The following TLN2 variants were observed in gnomAD, a reference collection of about 807,000 sequenced individuals.
TLN2 encodes the protein talin 2.
Under a neutral mutation model 294.7 loss-of-function variants are expected in TLN2, and 118 were observed. That is an observed-to-expected ratio of 0.40 (90% CI 0.34 to 0.47). The LOEUF is 0.47. Among genes scored for constraint, TLN2 ranks in the 20% least tolerant of loss-of-function variants. The pLI, the probability that TLN2 is intolerant of heterozygous loss-of-function variation, is 0.84. For synonymous variants in TLN2, 1,431 were observed against 1,304.5 expected, an observed-to-expected ratio of 1.10 and a Z score of -2.09; for missense variants, 3,083 against 3,282.2, an observed-to-expected ratio of 0.94 and a Z score of 1.48.
intron 58 of TLN2, among the ~76,000 whole-genome samples, chr15:62,839,430 A>G (rs1468036482): frequency 6.6e-6 from 1 of 152,268 alleles, no homozygotes; most frequent in East Asian, 1.9e-4. Context: ...AATGGAGGAC[A>G]GCAACATTAT....
At chr15:62,716,251 A>T in intron 22 of TLN2, 80 bp from the exon 23 acceptor site, 1 of 1,357,842 alleles carries the variant, frequency 7.4e-7, no homozygotes, top group Non-Finnish European at 9.5e-7. Flanking sequence ...TTCTATTACT[A>T]AGAAAAAATA....
chr15:62,450,079 T>A (rs2036016347), intron 1 of TLN2, among the ~76,000 whole-genome samples: 1 of 152,162 alleles, frequency 6.6e-6, no homozygotes, highest in Admixed American at 6.5e-5. Context: ...CCTAATGTTT[T>A]CTGCCGTCTC....
chr15:62,453,007 T>C (rs1447622472), intron 1 of TLN2, among the ~76,000 whole-genome samples: 1 of 152,234 alleles, frequency 6.6e-6, no homozygotes, highest in African/African-American at 2.4e-5. Context: ...ATAAACAGTC[T>C]ATCATTTATA....
intron 3 of TLN2, among the ~76,000 whole-genome samples, chr15:62,624,731 G>C (rs1270548842): frequency 6.6e-6 from 1 of 152,208 alleles, no homozygotes. Flanking sequence ...GGGGGTGTCT[G>C]CATGTGTGTA....
At chr15:62,594,408 A>C (rs989781871) in intron 2 of TLN2, among the ~76,000 whole-genome samples, 1 of 152,034 alleles carries the variant, frequency 6.6e-6, no homozygotes, top group Non-Finnish European at 1.5e-5. Flanking sequence ...GGGTCTCCCT[A>C]TGTTGCCCAG....
chr15:62,584,536 C>T (rs545118362), intron 1 of TLN2, among the ~76,000 whole-genome samples: 1 of 152,348 alleles, frequency 6.6e-6, no homozygotes, highest in South Asian at 2.1e-4. Flanking sequence ...AACCCCCAGC[C>T]TCTAGCTGGA....
intron 58 of TLN2, 83 bp downstream of exon 58, chr15:62,839,064 G>A: frequency 1.3e-6 from 2 of 1,528,056 alleles, no homozygotes; most frequent in Non-Finnish European, 1.8e-6. Flanking sequence ...GTGACTTCAA[G>A]ATGAAAGTTT....
chr15:62,621,346 A>G (rs1246622444), intron 3 of TLN2, among the ~76,000 whole-genome samples: 1 of 152,230 alleles, frequency 6.6e-6, no homozygotes, highest in Admixed American at 6.5e-5. Context: ...GGGGCACAAT[A>G]TGCTAGTTCA....
intron 45 of TLN2, among the ~76,000 whole-genome samples, chr15:62,787,172 G>C (rs569779345): frequency 1.3e-5 from 2 of 152,152 alleles, no homozygotes; most frequent in African/African-American, 4.8e-5. Context: ...TGGGATTACA[G>C]ATGTGAGCCA....
intron 1 of TLN2, among the ~76,000 whole-genome samples, chr15:62,456,761 C>G (rs1235233619): frequency 2.6e-5 from 4 of 152,202 alleles, no homozygotes. Context: ...ACTACAAGTA[C>G]AAAGGCTGTG....
intron 39 of TLN2, 69 bp from the exon 40 acceptor site, chr15:62,763,494 C>T (rs1481731574): frequency 1.3e-6 from 2 of 1,519,114 alleles, no homozygotes; most frequent in Non-Finnish European, 8.8e-7. Flanking sequence ...CCTGGCCCAC[C>T]AGTGCTGGAG....
At chr15:62,604,979 T>C (rs544553329) in intron 2 of TLN2, among the ~76,000 whole-genome samples, 1 of 152,272 alleles carries the variant, frequency 6.6e-6, no homozygotes, top group East Asian at 1.9e-4. Context: ...AGCTGTCTTG[T>C]ATGTCTTGTT....
chr15:62,756,135 G>A (rs1595889718), intron 37 of TLN2, among the ~76,000 whole-genome samples: 2 of 152,306 alleles, frequency 1.3e-5, no homozygotes, highest in African/African-American at 4.8e-5. Flanking sequence ...AAGGAGAAGG[G>A]AATGGGAGAT....
rs562532212 is a variant in TLN2, at chr15:62,545,853, G to A, written c.-237-43834G>A. ...TCCGGAATATCAAACCAAAGTTGGG[G>A]GTGTTTGTATCCCAGACTGGTGCTG... On this transcript the variant is annotated intron_variant, in intron 1 of 58. Transcript: ENST00000636159. Among the ~76,000 whole-genome samples the A allele has an allele frequency of 9.9e-5, 15 of 152,276 alleles. No individual in the cohort carries two copies. In the East Asian group the frequency reaches 2.7e-3, roughly 27 times the overall value.
chr15:62,576,139 G>A (rs2044372462), intron 1 of TLN2, among the ~76,000 whole-genome samples: 1 of 152,064 alleles, frequency 6.6e-6, no homozygotes, highest in Non-Finnish European at 1.5e-5. Flanking sequence ...AATTGGCAGG[G>A]CATATTCAAG....
rs141498741 is a variant in TLN2, at chr15:62,475,454, A to G, written c.-238+84769A>G. Among the ~76,000 whole-genome samples the G allele has an allele frequency of 1.8e-3, 279 of 152,274 alleles. 2 individuals carry two copies. Among genetic ancestry groups the G allele is most frequent in the African/African-American group, 6.4e-3 (267 of 41,560 alleles). On this transcript the variant is annotated intron_variant, in intron 1 of 58. Coordinates refer to ENST00000636159, the MANE Select transcript of TLN2 (RefSeq NM_015059.3). ...CTAACCGAAGCTAGAATGCAGGGGA[A>G]AGAGGCAACTATTTGGATGATTATA...
chr15:62,826,168 G>A (rs192434145), intron 54 of TLN2, among the ~76,000 whole-genome samples: 1 of 152,010 alleles, frequency 6.6e-6, no homozygotes, highest in Admixed American at 6.6e-5. Flanking sequence ...GAAGAACCCT[G>A]TTATCTTTTG....
chr15:62,411,490 T>G (rs890785038), intron 1 of TLN2, among the ~76,000 whole-genome samples: 1 of 149,066 alleles, frequency 6.7e-6, no homozygotes, highest in African/African-American at 2.5e-5. Context: ...GTTCCCATGC[T>G]GCATTGGCCC....
chr15:62,557,057 A>G (rs925938453), intron 1 of TLN2, among the ~76,000 whole-genome samples: 4 of 152,214 alleles, frequency 2.6e-5, no homozygotes, highest in Non-Finnish European at 4.4e-5. Context: ...TTCCCCATGT[A>G]TAGGAGCATG....
Sources: gnomAD v4.1 joint callset for allele counts (sites outside exome capture counted in the v4.1 genomes callset) on GRCh38, gnomAD v4.1.1 for gene constraint, MANE v1.5 for transcripts, NCBI Gene and HGNC (gene_info 2026-07-23, HGNC 2026-07-21) for gene names.